Variants in OR13A1 observed in about 807,000 individuals in gnomAD.
The protein encoded by OR13A1 is olfactory receptor family 13 subfamily A member 1.
OR13A1 carries 10 observed loss-of-function variants against 7.5 expected under a neutral mutation model. That is an observed-to-expected ratio of 1.34 (90% CI 0.83 to 2.27). OR13A1 has a LOEUF of 2.27. Ranked by LOEUF, OR13A1 falls within the 30% of genes most tolerant of loss-of-function variation. OR13A1 has a pLI of 0.00. For missense variants in OR13A1, 509 were observed against 419.1 expected (o/e 1.21, Z -1.87); for synonymous variants, 238 against 177.9 (o/e 1.34, Z -2.69).
intron 1 of OR13A1, among the ~76,000 whole-genome samples, chr10:45,313,562 GA>G (rs1838478347): frequency 6.6e-6 from 1 of 151,416 alleles, no homozygotes; most frequent in African/African-American, 2.4e-5. Context: ...TGCTTAAAAT[GA>G]AAAAAAGGAA....
chr10:45,310,433 T>G (rs1838421629), intron 1 of OR13A1, among the ~76,000 whole-genome samples: 2 of 152,220 alleles, frequency 1.3e-5, no homozygotes, highest in African/African-American at 4.8e-5. Context: ...ACATTTTAGT[T>G]GTAAAAAGGG....
chr10:45,314,410 A>G (rs901215173), intron 1 of OR13A1, among the ~76,000 whole-genome samples: 3 of 151,758 alleles, frequency 2.0e-5, no homozygotes, highest in African/African-American at 7.3e-5. Context: ...CAGCCTGGGC[A>G]ACAAAGCAAG....
chr10:45,302,500 A>C (rs1478538129), downstream of OR13A1: 1 of 152,258 alleles, frequency 6.6e-6, no homozygotes, highest in Non-Finnish European at 1.5e-5. Context: ...GAACCATCCC[A>C]TCTAAATCAA....
rs999569243 is a variant in OR13A1, at chr10:45,311,896, G to A, written c.-225+3628C>T. ...CATATGCTCAAGAAGCTAGAGAAAAGACTTAGCATATCAAATAGAGACAAA... is the reference window on the plus strand; with the variant it reads ...CATATGCTCAAGAAGCTAGAGAAAAAACTTAGCATATCAAATAGAGACAAA... On this transcript the variant is annotated intron_variant, in intron 1 of 3. Transcript: ENST00000553795. Among the ~76,000 whole-genome samples the A allele has an allele frequency of 3.3e-5, 5 of 152,194 alleles. No individual in the cohort carries two copies. In the East Asian group the frequency reaches 9.7e-4, roughly 29 times the overall value.
intron 1 of OR13A1, among the ~76,000 whole-genome samples, chr10:45,314,329 G>T (rs191534890): frequency 4.6e-5 from 7 of 152,102 alleles, no homozygotes; most frequent in African/African-American, 1.4e-4. Context: ...AGGCATGGTG[G>T]GTCATGCCTG....
At chr10:45,309,717 AG>A (rs1172238540) in intron 1 of OR13A1, among the ~76,000 whole-genome samples, 1 of 152,182 alleles carries the variant, frequency 6.6e-6, no homozygotes, top group Non-Finnish European at 1.5e-5. Context: ...GGATGTACGT[AG>A]ATGTATGTTT....
At chr10:45,311,664 A>G (rs1203673593) in intron 1 of OR13A1, among the ~76,000 whole-genome samples, 2 of 152,142 alleles carry the variant, frequency 1.3e-5, no homozygotes, top group East Asian at 1.9e-4. Context: ...GAGGAACAAT[A>G]AACACTGGGG....
Position 45,315,600 on chromosome 10 carries a change from C to G in OR13A1, c.-301G>C, listed in dbSNP as rs1218468094. ...TATACTCTGTCTCTTCGCTTCTATT[C>G]AATATAGTATTTGAATTTCCAAGCA... On this transcript the variant is annotated 5_prime_UTR_variant, in exon 1 of 4. Coordinates refer to ENST00000553795, the MANE Select transcript of OR13A1 (RefSeq NM_001004297.3). The G allele has an allele frequency of 6.6e-6, 1 of 151,294 alleles. No individual in the cohort carries two copies. Among genetic ancestry groups the G allele is most frequent in the Non-Finnish European group, 1.5e-5 (1 of 67,856 alleles). The allele number at this position is 151,294 out of a possible 1,614,324, so 9.4% of individuals were successfully genotyped here. A position where few individuals can be genotyped will look rare whatever the true frequency, so the allele number is the denominator to read the frequency against.
Position 45,304,199 on chromosome 10 carries a change from G to A in OR13A1, c.224C>T (p.Ala75Val), listed in dbSNP as rs1838279044. 2.5e-6 allele frequency: 4 copies of A among 1,614,226 alleles called. No homozygotes were observed. Among genetic ancestry groups the A allele is most frequent in the Non-Finnish European group, 3.4e-6 (4 of 1,180,036 alleles). Residue 75 changes from alanine to valine, a missense_variant, in exon 4 of 4, where the codon GCT (alanine) becomes GTT (valine). Coordinates refer to ENST00000553795, the MANE Select transcript of OR13A1 (RefSeq NM_001004297.3). ...GTTGAGTAAGAAAAAGTACATAGGA[G>A]CGTGGAGCCCAGGGTTGAACGTGAT... ...LAITFNPGLH[A>V]PMYFFLLNLA...
intron 1 of OR13A1, among the ~76,000 whole-genome samples, chr10:45,312,905 T>C (rs1359631165): frequency 1.3e-5 from 2 of 152,122 alleles, no homozygotes; most frequent in Non-Finnish European, 2.9e-5. Context: ...GGACCTGCTG[T>C]AGTATCTTGC....
Position 45,304,505 on chromosome 10 carries a change from A to T in OR13A1, c.-12-71T>A, listed in dbSNP as rs184722204. ...TTTCTTCCACACCTCACATCACTGC[A>T]TGAAAGATAGAGATGCATTAGGGCA... On this transcript the variant is annotated intron_variant, in intron 3 of 3. Transcript: ENST00000553795. The T allele has an allele frequency of 1.7e-3, 2,237 of 1,308,020 alleles. 2 individuals carry two copies. The highest frequency in any genetic ancestry group is 1.9e-3 in the Non-Finnish European group (1,793 of 939,824). The allele number at this position is 1,308,020 out of a possible 1,614,324, so 81.0% of individuals were successfully genotyped here.
intron 3 of OR13A1, 133 bp from the exon 4 acceptor site, chr10:45,304,567 A>T (rs577351778): frequency 1.1e-5 from 8 of 731,948 alleles, no homozygotes; most frequent in African/African-American, 1.8e-5. Flanking sequence ...TTACAGTAGA[A>T]AAAAGGCGTG....
At chr10:45,313,876 G>C (rs1838482538) in intron 1 of OR13A1, among the ~76,000 whole-genome samples, 1 of 151,984 alleles carries the variant, frequency 6.6e-6, no homozygotes, top group South Asian at 2.1e-4. Flanking sequence ...AAATCGATAA[G>C]GAAATACAGT....
Position 45,304,032 on chromosome 10 carries a change from G to A in OR13A1, c.391C>T (p.Leu131=). Residue 131 remains leucine (L), a synonymous_variant, in exon 4 of 4, where the codon CTG becomes TTG. Transcript: ENST00000553795. ...FLTWAASSEL[L]LLTVMAYDRY... is the part of the protein sequence containing the mutation. ...TCATAGGCCATGACCGTGAGGAGCA[G>A]CAGCTCTGAGGATGCAGCCCACGTG... is the stretch of plus-strand genomic sequence containing the variant. 6.2e-7 allele frequency: 1 copy of A among 1,613,228 alleles called. No individual in the cohort carries two copies. The highest frequency in any genetic ancestry group is 8.5e-7 in the Non-Finnish European group (1 of 1,179,414).
intron 3 of OR13A1, among the ~76,000 whole-genome samples, chr10:45,304,924 T>C (rs1408656541): frequency 6.6e-6 from 1 of 152,168 alleles, no homozygotes; most frequent in Non-Finnish European, 1.5e-5. Flanking sequence ...ATAAATGCTG[T>C]CTAATTATCA....
At chr10:45,308,455 T>A (rs1414377933) in intron 1 of OR13A1, among the ~76,000 whole-genome samples, 16 of 152,208 alleles carry the variant, frequency 1.1e-4, no homozygotes. Flanking sequence ...CAATAATTTA[T>A]ACAAACGTAT....
chr10:45,312,245 A>G (rs543425501), intron 1 of OR13A1, among the ~76,000 whole-genome samples: 52 of 152,232 alleles, frequency 3.4e-4, no homozygotes, highest in African/African-American at 1.2e-3. Flanking sequence ...AAACCTACAG[A>G]CTTAATAAGC....
intron 1 of OR13A1, among the ~76,000 whole-genome samples, chr10:45,309,915 A>G (rs1470869539): frequency 1.3e-5 from 2 of 152,176 alleles, no homozygotes; most frequent in Non-Finnish European, 2.9e-5. Flanking sequence ...GTCTCTCTGA[A>G]TCCCAATTTT....
At chr10:45,306,272 G>A (rs1476361684) in intron 3 of OR13A1, among the ~76,000 whole-genome samples, 3 of 152,118 alleles carry the variant, frequency 2.0e-5, no homozygotes, top group Non-Finnish European at 2.9e-5. Flanking sequence ...GGCTAACACG[G>A]TGAAACCCCG....
Sources: allele counts gnomAD v4.1 joint callset (sites outside exome capture counted in the v4.1 genomes callset), GRCh38; gene constraint gnomAD v4.1.1; transcripts MANE v1.5; gene names NCBI Gene and HGNC (gene_info 2026-07-23, HGNC 2026-07-21).